PLXNC1: variants seen among roughly 807,000 people sequenced by gnomAD.
PLXNC1 encodes the protein plexin-C1.
In PLXNC1, 75 loss-of-function variants were observed where a neutral mutation model predicts 178.2. The observed-to-expected ratio is 0.42, with a 90% CI of 0.35 to 0.51. PLXNC1 has a LOEUF of 0.51. Ranked by LOEUF, PLXNC1 falls within the 20% of genes least tolerant of loss-of-function variation. PLXNC1 has a pLI of 0.02. For synonymous variants in PLXNC1, 790 were observed against 779.9 expected (o/e 1.01, Z -0.22); for missense variants, 1,503 against 1,984.4 (o/e 0.76, Z 4.61).
chr12:94,244,100 G>A, intron 12 of PLXNC1, 75 bp downstream of exon 12: 1 of 808,250 alleles, frequency 1.2e-6, no homozygotes, highest in Admixed American at 2.3e-5. Context: ...TGCTATGTTG[G>A]GGGTATTTTT....
chr12:94,198,480 T>C (rs1565805823), intron 4 of PLXNC1, among the ~76,000 whole-genome samples: 1 of 152,028 alleles, frequency 6.6e-6, no homozygotes. Context: ...CCTGCACATG[T>C]ACCCTGGAAC....
At chr12:94,227,076 T>C (rs138087240) in intron 8 of PLXNC1, 73 bp from the exon 9 acceptor site, 232 of 992,418 alleles carry the variant, frequency 2.3e-4, no homozygotes, top group South Asian at 6.6e-4. Context: ...TGGTCCTACC[T>C]TCTCTTTTAT....
At chr12:94,280,367 C>T (rs1966346703) in intron 22 of PLXNC1, among the ~76,000 whole-genome samples, 1 of 152,202 alleles carries the variant, frequency 6.6e-6, no homozygotes, top group Non-Finnish European at 1.5e-5. Flanking sequence ...ATGGTGGTGA[C>T]AGACAGTGTA....
At position 94,179,289 on chromosome 12, in the gene PLXNC1, A is replaced by G. The variant is rs184862699; in HGVS notation, c.1204-2157A>G. Among the ~76,000 whole-genome samples, 6 of 152,358 alleles carry G rather than the reference A, an allele frequency of 3.9e-5. No individual in the cohort carries two copies. In the East Asian group the frequency reaches 7.7e-4, roughly 20 times the overall value. The stretch of plus-strand genomic sequence containing the variant: ...TTTTTCTTTTGAAACCATGCGCCCA[A>G]TGTGGCTGATGTCTACAGTGGTAGA... On this transcript the variant is annotated intron_variant, in intron 2 of 30. Coordinates refer to ENST00000258526, the MANE Select transcript of PLXNC1 (RefSeq NM_005761.3).
Position 94,240,672 on chromosome 12 carries a change from C to A in PLXNC1, c.2300+8C>A. ...TGCTACCACCTGGATCAGGTACTTTCTAGATTCATAATCTTTTTCTCATTG... is the reference window on the plus strand; with the variant it reads ...TGCTACCACCTGGATCAGGTACTTTATAGATTCATAATCTTTTTCTCATTG... On this transcript the variant is annotated splice_region_variant and intron_variant, in intron 11 of 30. Transcript: ENST00000258526. 6.3e-7 allele frequency: 1 copy of A among 1,595,630 alleles called. No homozygotes were observed. Among genetic ancestry groups the A allele is most frequent in the Non-Finnish European group, 8.6e-7 (1 of 1,167,002 alleles).
At chr12:94,290,627 T>G (rs1967219255) in intron 23 of PLXNC1, among the ~76,000 whole-genome samples, 1 of 152,240 alleles carries the variant, frequency 6.6e-6, no homozygotes. Context: ...GGCTGGCTCT[T>G]GCTCTGTGTT....
intron 21 of PLXNC1, among the ~76,000 whole-genome samples, chr12:94,271,264 CA>C (rs1965551071): frequency 6.6e-6 from 1 of 152,124 alleles, no homozygotes; most frequent in African/African-American, 2.4e-5. Context: ...ACTTTCTAGG[CA>C]TTATAAGGTA....
rs758886459 is a variant in PLXNC1, at chr12:94,149,234, C to T, written c.263C>T (p.Thr88Ile). Residue 88 changes from threonine (T) to isoleucine (I), a missense_variant, in exon 1 of 31, where the codon ACA becomes ATA. Physicochemically the swap from Thr to Ile is moderately conservative, Grantham distance 89. Around this residue, in one of 4 missense-constraint regions of PLXNC1, gnomAD observed 176 missense variants for 180.7 expected, o/e 0.97. Transcript: ENST00000258526. ...TACCGGGACCAAGCGGGCAACTGCA[C>T]AGAGCCGGTCTCGCTGGCGCCCCCC... ...RLYRDQAGNC[T>I]EPVSLAPPAR... 2 of 1,570,854 alleles carry T rather than the reference C, an allele frequency of 1.3e-6. No homozygotes were observed. Among genetic ancestry groups the T allele is most frequent in the Non-Finnish European group, 1.7e-6 (2 of 1,164,528 alleles).
chr12:94,303,732 C>CTTTT lies in PLXNC1; in HGVS notation c.4387-10_4387-7dup, dbSNP rs201354613. 24 of 844,024 alleles carry CTTTT rather than the reference C, an allele frequency of 2.8e-5. No homozygotes were observed. In the South Asian group the frequency reaches 3.0e-4, roughly 10 times the overall value. The allele number at this position is 844,024 out of a possible 1,614,324, so 52.3% of individuals were successfully genotyped here. A position where few individuals can be genotyped will look rare whatever the true frequency, so the allele number is the denominator to read the frequency against. ...TTTTTTACTCTTTTGGTGATGGTTG[C>CTTTT]TTTTTTTTTTTTTTTTTCCCCAGGA... is the stretch of plus-strand genomic sequence containing the variant. On this transcript the variant is annotated intron_variant, in intron 28 of 30. Transcript: ENST00000258526.
At chr12:94,289,486 T>C (rs1426150971) in intron 23 of PLXNC1, among the ~76,000 whole-genome samples, 1 of 152,178 alleles carries the variant, frequency 6.6e-6, no homozygotes, top group African/African-American at 2.4e-5. Flanking sequence ...CTAGTGACAT[T>C]AATCTTTCTT....
intron 4 of PLXNC1, among the ~76,000 whole-genome samples, chr12:94,195,873 G>C (rs1323006106): frequency 6.6e-6 from 1 of 152,212 alleles, no homozygotes; most frequent in African/African-American, 2.4e-5. Context: ...ACTGCCATCT[G>C]AATGCTAAAC....
In PLXNC1 at chr12:94,209,650, G is replaced by A. The variant is rs369096323; in HGVS notation, c.1500G>A (p.Ser500=). 75 of 1,613,510 alleles carry A rather than the reference G, an allele frequency of 4.6e-5. 1 individual carries two copies. The highest frequency in any genetic ancestry group is 1.0e-4 in the Admixed American group (6 of 60,006). ...SENLENWLDI[S]SGAKKCPKIQ... is the part of the protein sequence containing the mutation. ...ACTTAGAAAACTGGCTGGATATTTC[G>A]TCTGGAGCAAAAAAGTGCCCTAAAA... is the stretch of plus-strand genomic sequence containing the variant. The change falls in exon 5 of 31, where the codon TCG becomes TCA. Residue 500 remains serine, a synonymous_variant. Transcript: ENST00000258526.
chr12:94,288,742 A>G (rs1322543675), intron 23 of PLXNC1, among the ~76,000 whole-genome samples: 2 of 152,202 alleles, frequency 1.3e-5, no homozygotes, highest in East Asian at 3.8e-4. Flanking sequence ...CAGTGAGAAG[A>G]GCTGAGGGAG....
At chr12:94,177,038 T>C (rs928807231) in intron 2 of PLXNC1, among the ~76,000 whole-genome samples, 3 of 148,546 alleles carry the variant, frequency 2.0e-5, no homozygotes, top group Middle Eastern at 3.2e-3. Flanking sequence ...AATGAATATA[T>C]GTCATTTCAT....
chr12:94,277,096 A>G (rs1254572722), intron 21 of PLXNC1: 1 of 152,226 alleles, frequency 6.6e-6, no homozygotes, highest in Non-Finnish European at 1.5e-5. Flanking sequence ...TAAATAATAG[A>G]AACTTATTTC....
chr12:94,155,059 C>A (rs536431626), intron 1 of PLXNC1, among the ~76,000 whole-genome samples: 1 of 152,296 alleles, frequency 6.6e-6, no homozygotes, highest in South Asian at 2.1e-4. Flanking sequence ...CCCCTTCCTT[C>A]CTTAGTTTTA....
chr12:94,149,650 G>A lies in PLXNC1; in HGVS notation c.679G>A (p.Glu227Lys). 1.2e-6 allele frequency: 2 copies of A among 1,604,080 alleles called. No individual in the cohort carries two copies. The highest frequency in any genetic ancestry group is 1.7e-6 in the Non-Finnish European group (2 of 1,175,732). ...TQELGRLKLC[E>K]GAGSLHFVDA... Reference sequence around the variant, plus strand: ...GGAGCTGGGGCGCCTCAAGCTGTGCGAGGGCGCGGGCAGCCTGCACTTCGT... The same window carrying A: ...GGAGCTGGGGCGCCTCAAGCTGTGCAAGGGCGCGGGCAGCCTGCACTTCGT... The change falls in exon 1 of 31, where the codon GAG becomes AAG. Residue 227 changes from glutamate (E) to lysine (K), a missense_variant. Glu to Lys is a moderately conservative substitution (Grantham distance 56). Coordinates refer to ENST00000258526, the MANE Select transcript of PLXNC1 (RefSeq NM_005761.3).
intron 1 of PLXNC1, 130 bp from the exon 2 acceptor site, chr12:94,169,023 A>G (rs1961736460): frequency 2.4e-6 from 2 of 834,436 alleles, no homozygotes; most frequent in Non-Finnish European, 1.8e-6. Context: ...ATCTAGTCTA[A>G]GAGAATATAT....
At chr12:94,256,899 A>C (rs1964861211) in intron 17 of PLXNC1, among the ~76,000 whole-genome samples, 1 of 151,972 alleles carries the variant, frequency 6.6e-6, no homozygotes, top group African/African-American at 2.4e-5. Flanking sequence ...TTTTAGGAGA[A>C]GAGAGATAGT....
Sources: gnomAD v4.1 joint callset for allele counts (sites outside exome capture counted in the v4.1 genomes callset) on GRCh38, gnomAD v4.1.1 for gene constraint, gnomAD v4.1.1 regional missense constraint, MANE v1.5 for transcripts, NCBI Gene and HGNC (gene_info 2026-07-23, HGNC 2026-07-21) for gene names.